ENTREP2: variants seen among roughly 807,000 people sequenced by gnomAD.
ENTREP2 encodes the protein endosomal transmembrane epsin interactor 2.
At chr15:29,642,441 C>T in the ENTREP2 span, among the ~76,000 whole-genome samples, 1 of 146,208 alleles carries the variant, frequency 6.8e-6, no homozygotes, top group African/African-American at 2.5e-5. Flanking sequence ...TATATATATA[C>T]ATATATATAT....
the ENTREP2 span, among the ~76,000 whole-genome samples, chr15:29,307,289 TAAA>T: frequency 2.0e-5 from 3 of 148,128 alleles, no homozygotes; most frequent in Admixed American, 2.0e-4. Context: ...TCAGCTAACA[TAAA>T]AAAAAAAAAC....
chr15:29,191,826 A>G, the ENTREP2 span, among the ~76,000 whole-genome samples: 1 of 152,126 alleles, frequency 6.6e-6, no homozygotes, highest in Admixed American at 6.5e-5. Context: ...AGGTGGGAGG[A>G]TCTCTTGGGC....
chr15:29,652,365 C>T, the ENTREP2 span, among the ~76,000 whole-genome samples: 64 of 152,334 alleles, frequency 4.2e-4, no homozygotes, highest in Non-Finnish European at 7.9e-4. Flanking sequence ...CAGTAAAGCT[C>T]CTCTTCATCT....
At chr15:29,137,158 A>G in the ENTREP2 span, 1 of 1,482,110 alleles carries the variant, frequency 6.7e-7, no homozygotes, top group Non-Finnish European at 8.9e-7. Flanking sequence ...GGAGTCACGC[A>G]GGTGGGGTTG....
chr15:29,146,006 T>A, the ENTREP2 span, among the ~76,000 whole-genome samples: 1 of 152,214 alleles, frequency 6.6e-6, no homozygotes, highest in Non-Finnish European at 1.5e-5. Context: ...TGTATTTCTA[T>A]ATATTAGCAA....
At chr15:29,339,036 A>AC in the ENTREP2 span, among the ~76,000 whole-genome samples, 1 of 152,166 alleles carries the variant, frequency 6.6e-6, no homozygotes, top group South Asian at 2.1e-4. Context: ...CCTCAAAGGC[A>AC]CTGCCAATCT....
chr15:29,455,739 G>T, the ENTREP2 span, among the ~76,000 whole-genome samples: 1 of 152,194 alleles, frequency 6.6e-6, no homozygotes, highest in Non-Finnish European at 1.5e-5. Context: ...GGGCAAGTGA[G>T]CGAAGCTTCA....
At chr15:29,568,650 G>C in the ENTREP2 span, among the ~76,000 whole-genome samples, 1 of 149,026 alleles carries the variant, frequency 6.7e-6, no homozygotes, top group Non-Finnish European at 1.5e-5. Context: ...GCTGCCGTGA[G>C]CTATGATAGT....
At chr15:29,565,939 C>T in the ENTREP2 span, among the ~76,000 whole-genome samples, 5 of 148,614 alleles carry the variant, frequency 3.4e-5, no homozygotes, top group Middle Eastern at 3.6e-3. Context: ...CCAGCCTGGG[C>T]GATAGAGCAA....
the ENTREP2 span, among the ~76,000 whole-genome samples, chr15:29,180,895 C>G: frequency 6.6e-6 from 1 of 151,022 alleles, no homozygotes; most frequent in African/African-American, 2.4e-5. Flanking sequence ...AATTTAGTAA[C>G]AGCATACATC....
At chr15:29,176,297 C>G in the ENTREP2 span, among the ~76,000 whole-genome samples, 1 of 152,122 alleles carries the variant, frequency 6.6e-6, no homozygotes, top group Non-Finnish European at 1.5e-5. Context: ...GGGGCACATT[C>G]ATTTGCCTGG....
chr15:29,553,127 C>G, the ENTREP2 span, among the ~76,000 whole-genome samples: 1 of 152,178 alleles, frequency 6.6e-6, no homozygotes, highest in Non-Finnish European at 1.5e-5. Flanking sequence ...GAAACCCCGT[C>G]TCTACTAAAA....
At chr15:29,279,655 G>A in the ENTREP2 span, among the ~76,000 whole-genome samples, 2 of 152,090 alleles carry the variant, frequency 1.3e-5, no homozygotes, top group Admixed American at 6.5e-5. Flanking sequence ...GAGCCACCGC[G>A]CCTGGCCTCA....
At chr15:29,338,667 C>T in the ENTREP2 span, among the ~76,000 whole-genome samples, 1 of 152,050 alleles carries the variant, frequency 6.6e-6, no homozygotes, top group African/African-American at 2.4e-5. Flanking sequence ...ACTTTCCACC[C>T]ACTCCCTCCT....
the ENTREP2 span, among the ~76,000 whole-genome samples, chr15:29,258,741 C>T: frequency 6.6e-6 from 1 of 152,092 alleles, no homozygotes; most frequent in Non-Finnish European, 1.5e-5. Context: ...ATTCCTTATC[C>T]TCCCTCCTCC....
chr15:29,453,285 G>A, the ENTREP2 span, among the ~76,000 whole-genome samples: 3 of 152,230 alleles, frequency 2.0e-5, no homozygotes, highest in Admixed American at 2.0e-4. Context: ...GCAAGGCACG[G>A]CAGGACAATT....
the ENTREP2 span, among the ~76,000 whole-genome samples, chr15:29,461,816 G>A: frequency 1.3e-5 from 2 of 152,066 alleles, no homozygotes; most frequent in South Asian, 4.1e-4. Flanking sequence ...GCAGCATTGA[G>A]TACATTTACT....
the ENTREP2 span, among the ~76,000 whole-genome samples, chr15:29,430,589 G>C: frequency 6.6e-6 from 1 of 152,096 alleles, no homozygotes; most frequent in Admixed American, 6.5e-5. Flanking sequence ...AGCAGAGGTT[G>C]CAGTGAGCCA....
At chr15:29,150,581 A>T in the ENTREP2 span, among the ~76,000 whole-genome samples, 3 of 152,324 alleles carry the variant, frequency 2.0e-5, 1 homozygote, top group Admixed American at 2.0e-4. Flanking sequence ...ACAAGGGCAG[A>T]AGTTCAAGGC....
Sources: gnomAD v4.1 joint callset for allele counts (sites outside exome capture counted in the v4.1 genomes callset) on GRCh38, gnomAD v4.1.1 for gene constraint, MANE v1.5 for transcripts, NCBI Gene and HGNC (gene_info 2026-07-23, HGNC 2026-07-21) for gene names.